NRG2: variants seen among roughly 807,000 people sequenced by gnomAD.
The protein encoded by NRG2 is pro-neuregulin-2, membrane-bound isoform.
Under a neutral mutation model 73.9 loss-of-function variants are expected in NRG2, and 27 were observed. The ratio of observed to expected loss-of-function variants is 0.37; its 90% CI spans 0.27 to 0.50. NRG2 has a LOEUF of 0.50. Ranked by LOEUF, NRG2 falls within the 20% of genes least tolerant of loss-of-function variation. NRG2 has a pLI of 0.96. For missense variants in NRG2, 1,126 were observed against 1,210.1 expected, an observed-to-expected ratio of 0.93 and a Z score of 1.03; for synonymous variants, 532 against 541.0, an observed-to-expected ratio of 0.98 and a Z score of 0.23.
rs972530626 is a variant in NRG2, at chr5:139,904,872, C to G, written c.701-17361G>C. 1.3e-5 allele frequency among the ~76,000 whole-genome samples: 2 copies of G among 152,222 alleles called. No individual in the cohort carries two copies. Among genetic ancestry groups the G allele is most frequent in the Non-Finnish European group, 2.9e-5 (2 of 68,026 alleles). On this transcript the variant is annotated intron_variant, in intron 1 of 9. Coordinates refer to ENST00000361474, the MANE Select transcript of NRG2 (RefSeq NM_004883.3). The surrounding 1 kb of genome is among the most constrained non-coding windows in gnomAD (Gnocchi z 6.0). ...CCAGCCCAGCGGGGTAGCGAGCACC[C>G]TTGGCTCTTGCGGTGGGTCTCCACA...
intron 1 of NRG2, among the ~76,000 whole-genome samples, chr5:139,980,365 T>A (rs1756704201): frequency 7.1e-6 from 1 of 141,462 alleles, no homozygotes. Context: ...AAAAAAAAAA[T>A]CTTCACTGTA....
intron 1 of NRG2, among the ~76,000 whole-genome samples, chr5:140,011,281 T>C (rs1443279389): frequency 1.3e-5 from 2 of 152,214 alleles, no homozygotes; most frequent in South Asian, 2.1e-4. Context: ...CAACTTTCTC[T>C]AAGTGGTTCC....
At chr5:139,961,185 T>C (rs1216715456) in intron 1 of NRG2, among the ~76,000 whole-genome samples, 1 of 152,162 alleles carries the variant, frequency 6.6e-6, no homozygotes, top group Non-Finnish European at 1.5e-5. Context: ...TCGGGAGGGT[T>C]GATTGGGTCT....
intron 1 of NRG2, among the ~76,000 whole-genome samples, chr5:139,959,098 G>A (rs1480731080): frequency 1.3e-5 from 2 of 152,234 alleles, no homozygotes; most frequent in African/African-American, 4.8e-5. Context: ...CTGTGGCTGT[G>A]CTTTGATATG....
At chr5:139,964,860 C>T (rs1430053725) in intron 1 of NRG2, among the ~76,000 whole-genome samples, 5 of 152,216 alleles carry the variant, frequency 3.3e-5, no homozygotes, top group Admixed American at 1.3e-4. Flanking sequence ...AGTGGCCAAG[C>T]GATGCCAGGA....
chr5:139,927,335 G>T (rs1172808873), intron 1 of NRG2, among the ~76,000 whole-genome samples: 1 of 151,968 alleles, frequency 6.6e-6, no homozygotes, highest in Non-Finnish European at 1.5e-5. Flanking sequence ...CCTCACACCT[G>T]CCCTATTGCC....
chr5:140,030,745 G>A (rs1761074330), intron 1 of NRG2, among the ~76,000 whole-genome samples: 1 of 152,172 alleles, frequency 6.6e-6, no homozygotes, highest in African/African-American at 2.4e-5. Context: ...CAGAGGTGGT[G>A]GTGTCTGGCT....
At chr5:139,859,851 A>G (rs1338899208) in intron 5 of NRG2, 1 of 1,608,954 alleles carries the variant, frequency 6.2e-7, no homozygotes, top group African/African-American at 1.3e-5. Context: ...GAGAGGGGCC[A>G]CGCAGATGGT....
chr5:139,967,210 G>C (rs1222673980), intron 1 of NRG2, among the ~76,000 whole-genome samples: 1 of 152,150 alleles, frequency 6.6e-6, no homozygotes, highest in African/African-American at 2.4e-5. Flanking sequence ...GCTATTTAGA[G>C]TCAACCTCAT....
chr5:139,911,086 G>C (rs1561674174), intron 1 of NRG2, among the ~76,000 whole-genome samples: 2 of 152,020 alleles, frequency 1.3e-5, no homozygotes, highest in Non-Finnish European at 2.9e-5. Context: ...GCAACAGGCA[G>C]GCCTGGACAG....
At chr5:139,976,158 C>G (rs1399349078) in intron 1 of NRG2, among the ~76,000 whole-genome samples, 2 of 152,208 alleles carry the variant, frequency 1.3e-5, no homozygotes, top group African/African-American at 4.8e-5. Context: ...AGTCCACACC[C>G]TTCAGTACTC....
chr5:139,950,819 C>T (rs868001725), intron 1 of NRG2, among the ~76,000 whole-genome samples: 4 of 152,324 alleles, frequency 2.6e-5, no homozygotes, highest in Admixed American at 6.5e-5. Context: ...ATCCACTTCA[C>T]ATAATTGTTA....
intron 5 of NRG2, among the ~76,000 whole-genome samples, chr5:139,859,168 G>A (rs1761983586): frequency 2.6e-5 from 4 of 152,102 alleles, no homozygotes; most frequent in Admixed American, 1.3e-4. Flanking sequence ...GGAGTCTTCC[G>A]GGGGCCAGAG....
intron 1 of NRG2, among the ~76,000 whole-genome samples, chr5:139,940,544 G>A (rs1452078524): frequency 2.6e-5 from 4 of 152,270 alleles, no homozygotes; most frequent in South Asian, 2.1e-4. Context: ...TCTTAATTCT[G>A]TCTCAATTTT....
chr5:140,032,663 C>T (rs577315480), intron 1 of NRG2, among the ~76,000 whole-genome samples: 1 of 152,252 alleles, frequency 6.6e-6, no homozygotes, highest in South Asian at 2.1e-4. Flanking sequence ...GATCTTACCA[C>T]CAGGTAAACG....
At chr5:139,963,576 T>C (rs1052679713) in intron 1 of NRG2, among the ~76,000 whole-genome samples, 2 of 152,240 alleles carry the variant, frequency 1.3e-5, no homozygotes, top group African/African-American at 4.8e-5. Flanking sequence ...ATTCTTACCA[T>C]GTGCCAGCCA....
rs1580808940 is a variant in NRG2 at position 139,954,253 on chromosome 5, G to C, written c.701-66742C>G. Among the ~76,000 whole-genome samples the C allele has an allele frequency of 6.6e-6, 1 of 152,282 alleles. No individual in the cohort carries two copies. The highest frequency in any genetic ancestry group is 2.1e-4 in the South Asian group (1 of 4,826). ...TCACGGTCACAGCCCTGAGCAGCCA[G>C]CAGCAGCCAAGCCAGAGAGGAGCAG... is the stretch of plus-strand genomic sequence containing the variant. On this transcript the variant is annotated intron_variant, in intron 1 of 9. Coordinates refer to ENST00000361474, the MANE Select transcript of NRG2 (RefSeq NM_004883.3). The surrounding 1 kb of genome is among the most constrained non-coding windows in gnomAD (Gnocchi z 5.0).
chr5:139,985,493 A>G (rs1757108137), intron 1 of NRG2, among the ~76,000 whole-genome samples: 2 of 152,142 alleles, frequency 1.3e-5, no homozygotes, highest in Admixed American at 6.5e-5. Flanking sequence ...CGAAACAGGA[A>G]CAGCACCTCC....
chr5:139,861,774 G>A (rs760993830), intron 5 of NRG2: 13 of 515,258 alleles, frequency 2.5e-5, no homozygotes, highest in East Asian at 1.1e-4. Context: ...GAACCCTGGC[G>A]CACCTCTCAC....
Sources: gnomAD v4.1 joint callset for allele counts (sites outside exome capture counted in the v4.1 genomes callset) on GRCh38, gnomAD v4.1.1 for gene constraint, Gnocchi (gnomAD v3.1) non-coding constraint, MANE v1.5 for transcripts, NCBI Gene and HGNC (gene_info 2026-07-23, HGNC 2026-07-21) for gene names.